DRC1: variants seen among roughly 807,000 people sequenced by gnomAD.
The protein encoded by DRC1 is dynein regulatory complex subunit 1.
Under a neutral mutation model 98.7 loss-of-function variants are expected in DRC1, and 74 were observed. The observed-to-expected ratio is 0.75, with a 90% CI of 0.62 to 0.91. The LOEUF (loss-of-function observed/expected upper bound fraction) is 0.91. Ranked by LOEUF, DRC1 falls within the 40% of genes least tolerant of loss-of-function variation. The pLI is 0.00. For missense variants in DRC1, 875 were observed against 886.0 expected (o/e 0.99, Z 0.16); for synonymous variants, 336 against 334.1 (o/e 1.01, Z -0.06).
At position 26,444,241 on chromosome 2, in the gene DRC1, A is replaced by G. The variant is rs1663790840; in HGVS notation, c.1048A>G (p.Asn350Asp). The G allele has an allele frequency of 3.7e-6, 6 of 1,614,162 alleles. No homozygotes were observed. Among genetic ancestry groups the G allele is most frequent in the Non-Finnish European group, 5.1e-6 (6 of 1,180,044 alleles). The change falls in exon 9 of 17, where the codon AAT becomes GAT. Residue 350 changes from asparagine to aspartate, a missense_variant. Coordinates refer to ENST00000288710, the MANE Select transcript of DRC1 (RefSeq NM_145038.5). ...KINRLHDILNNLRSKYAKQIK... is the reference protein window; with the variant it reads ...KINRLHDILNDLRSKYAKQIK... ...AACCAGCCTGCATGATATACTTAAC[A>G]ATCTGAGATCAAAATATGCCAAGCA... is the stretch of plus-strand genomic sequence containing the variant.
chr2:26,421,633 T>C (rs1663145769), intron 3 of DRC1, among the ~76,000 whole-genome samples: 1 of 146,048 alleles, frequency 6.8e-6, no homozygotes, highest in Non-Finnish European at 1.5e-5. Context: ...TGATCTCGGC[T>C]CACCGCAACC....
intron 1 of DRC1, among the ~76,000 whole-genome samples, chr2:26,402,772 A>ATAGG (rs1434511685): frequency 6.6e-6 from 1 of 152,136 alleles, no homozygotes; most frequent in African/African-American, 2.4e-5. Flanking sequence ...CTGGGCCTTC[A>ATAGG]TAGGGTTGAT....
chr2:26,402,250 T>C, intron 1 of DRC1, 106 bp downstream of exon 1: 1 of 1,431,018 alleles, frequency 7.0e-7, no homozygotes, highest in South Asian at 1.5e-5. Flanking sequence ...AGGCAGAGTA[T>C]GGGAAAGTAA....
intron 11 of DRC1, 36 bp downstream of exon 11, chr2:26,448,839 CG>C: frequency 1.9e-6 from 3 of 1,602,710 alleles, no homozygotes; most frequent in Non-Finnish European, 2.6e-6. Flanking sequence ...GAGGGACTCA[CG>C]GGGGTGTGCA....
chr2:26,428,160 C>G (rs941163872), intron 4 of DRC1, among the ~76,000 whole-genome samples: 5 of 152,190 alleles, frequency 3.3e-5, no homozygotes, highest in Non-Finnish European at 7.3e-5. Flanking sequence ...TTTAACTCTT[C>G]CAATTTTGAT....
At position 26,444,763 on chromosome 2, in the gene DRC1, T is replaced by C; in HGVS notation, c.1211T>C (p.Met404Thr). 1 of 1,614,172 alleles carries C rather than the reference T, an allele frequency of 6.2e-7. No homozygotes were observed. The highest frequency in any genetic ancestry group is 1.1e-5 in the South Asian group (1 of 91,074). Residue 404 changes from methionine to threonine, a missense_variant, in exon 10 of 17, where the codon ATG becomes ACG. Transcript: ENST00000288710. ...GAGAAGTTTTGGGAGATTTGGCTGA[T>C]GAATGAAGAGGAGGCGAAGGACCTA... ...DDEKFWEIWL[M>T]NEEEAKDLIA... is the part of the protein sequence containing the mutation.
intron 10 of DRC1, among the ~76,000 whole-genome samples, chr2:26,447,527 G>A (rs1016607209): frequency 6.6e-6 from 1 of 152,058 alleles, no homozygotes; most frequent in Non-Finnish European, 1.5e-5. Context: ...TGATTATTAG[G>A]GAATGGTTTT....
At chr2:26,425,785 G>T (rs184391489) in intron 4 of DRC1, among the ~76,000 whole-genome samples, 1 of 151,986 alleles carries the variant, frequency 6.6e-6, no homozygotes, top group African/African-American at 2.4e-5. Flanking sequence ...AGTTATAGAA[G>T]TTCTTTATGT....
chr2:26,413,699 G>A (rs1316249951), intron 1 of DRC1, among the ~76,000 whole-genome samples: 1 of 151,998 alleles, frequency 6.6e-6, no homozygotes, highest in Non-Finnish European at 1.5e-5. Flanking sequence ...ATTTGAAGGA[G>A]CCCTTCCTAT....
chr2:26,428,797 CA>C (rs201736344), intron 4 of DRC1, among the ~76,000 whole-genome samples: 1,435 of 141,360 alleles, frequency 0.01, 21 homozygotes, highest in African/African-American at 0.031. Context: ...GACTCTGTCT[CA>C]AAAAAAAAAA....
rs1336985409 is a variant in DRC1 at position 26,418,512 on chromosome 2, A to G, written c.244-2776A>G. On this transcript the variant is annotated intron_variant, in intron 2 of 16. Transcript: ENST00000288710. ...TATATATAAAATATAGTTTAAATAT[A>G]TATTATATATTAATAATATACAATA... 3.2e-5 allele frequency among the ~76,000 whole-genome samples: 4 copies of G among 124,474 alleles called. No homozygotes were observed. The Admixed American group carries it at 4.1e-4, about 13-fold the overall frequency. 81.7% of individuals were successfully genotyped at this position (124,474 alleles called of 152,430 possible).
At position 26,453,830 on chromosome 2, in the gene DRC1, C is replaced by T. The variant is rs559170460; in HGVS notation, c.1919+281C>T. ...CACTGTGGGGGCACTGCCTTGTGAT[C>T]AGAGTAATGGTCAAAGCACATTCAA... is the stretch of plus-strand genomic sequence containing the variant. On this transcript the variant is annotated intron_variant, in intron 14 of 16. Transcript: ENST00000288710. Among the ~76,000 whole-genome samples the T allele has an allele frequency of 1.6e-4, 25 of 152,304 alleles. No individual in the cohort carries two copies. In the East Asian group the frequency reaches 4.6e-3, roughly 28 times the overall value.
chr2:26,408,760 G>T (rs995288791), intron 1 of DRC1, among the ~76,000 whole-genome samples: 5 of 151,990 alleles, frequency 3.3e-5, no homozygotes, highest in African/African-American at 1.2e-4. Context: ...GACAGAGGGA[G>T]ACTCTGTCTC....
At chr2:26,453,946 C>T (rs1664074854) in intron 14 of DRC1, among the ~76,000 whole-genome samples, 1 of 152,090 alleles carries the variant, frequency 6.6e-6, no homozygotes, top group Non-Finnish European at 1.5e-5. Flanking sequence ...TAGGTGTTCC[C>T]AGGCAGATAA....
intron 13 of DRC1, among the ~76,000 whole-genome samples, chr2:26,452,360 A>G (rs1208295398): frequency 6.6e-6 from 1 of 152,166 alleles, no homozygotes; most frequent in Admixed American, 6.5e-5. Context: ...GGTTCAAGCC[A>G]TTCTCCTGCC....
chr2:26,436,499 G>T (rs1264193931), intron 7 of DRC1, among the ~76,000 whole-genome samples: 1 of 152,040 alleles, frequency 6.6e-6, no homozygotes, highest in African/African-American at 2.4e-5. Context: ...TTTTTGTAGA[G>T]ATAGGTTCTC....
intron 2 of DRC1, 91 bp downstream of exon 2, chr2:26,414,522 G>C (rs1678730618): frequency 8.2e-7 from 1 of 1,225,936 alleles, no homozygotes; most frequent in Non-Finnish European, 1.2e-6. Context: ...AAATCATGTG[G>C]TCCATGTTGC....
chr2:26,405,844 G>A (rs1678405960), intron 1 of DRC1, among the ~76,000 whole-genome samples: 1 of 151,866 alleles, frequency 6.6e-6, no homozygotes, highest in African/African-American at 2.4e-5. Flanking sequence ...ATTTTTAGGA[G>A]AGACGGGGTT....
intron 5 of DRC1, 97 bp from the exon 6 acceptor site, chr2:26,430,689 G>T (rs1239888677): frequency 1.6e-6 from 2 of 1,253,378 alleles, no homozygotes; most frequent in East Asian, 4.6e-5. Flanking sequence ...TATGTGGTTG[G>T]TGATATGGCA....
Sources: allele counts gnomAD v4.1 joint callset (sites outside exome capture counted in the v4.1 genomes callset), GRCh38; gene constraint gnomAD v4.1.1; transcripts MANE v1.5; gene names NCBI Gene and HGNC (gene_info 2026-07-23, HGNC 2026-07-21).